FCHSD2: variants seen among roughly 807,000 people sequenced by gnomAD.
FCHSD2 encodes F-BAR and double SH3 domains protein 2.
In FCHSD2, 38 loss-of-function variants were observed where a neutral mutation model predicts 108.1. The ratio of observed to expected loss-of-function variants is 0.35; its 90% CI spans 0.27 to 0.46. The LOEUF (loss-of-function observed/expected upper bound fraction) is 0.46, where lower values mean the gene tolerates loss of function less well. FCHSD2 is among the 20% of genes least tolerant of loss of function. FCHSD2 has a pLI of 1.00. For synonymous variants in FCHSD2, 279 were observed against 314.7 expected, an observed-to-expected ratio of 0.89 and a Z score of 1.20; for missense variants, 751 against 897.8, an observed-to-expected ratio of 0.84 and a Z score of 2.09.
intron 3 of FCHSD2, among the ~76,000 whole-genome samples, chr11:73,044,282 T>A (rs1858705610): frequency 6.6e-6 from 1 of 152,154 alleles, no homozygotes; most frequent in Non-Finnish European, 1.5e-5. Context: ...CTTATGAATA[T>A]TTCCAAAGTC....
At chr11:72,853,019 T>C (rs967891129) in intron 13 of FCHSD2, among the ~76,000 whole-genome samples, 1 of 152,052 alleles carries the variant, frequency 6.6e-6, no homozygotes, top group Non-Finnish European at 1.5e-5. Flanking sequence ...GGGAGAGGAT[T>C]AGAAAAAATA....
intron 8 of FCHSD2, among the ~76,000 whole-genome samples, chr11:72,958,991 A>ATGTG (rs879814044): frequency 1.7e-3 from 69 of 41,754 alleles, no homozygotes; most frequent in Admixed American, 4.1e-3. Flanking sequence ...CATCAGTAAG[A>ATGTG]TATGTGTGTG....
chr11:73,057,287 A>G (rs1445932930), intron 3 of FCHSD2, among the ~76,000 whole-genome samples: 1 of 152,178 alleles, frequency 6.6e-6, no homozygotes, highest in African/African-American at 2.4e-5. Context: ...ACAGGTTCGA[A>G]GCATGGGCAC....
At chr11:73,086,596 A>G (rs1423649412) in intron 2 of FCHSD2, among the ~76,000 whole-genome samples, 1 of 152,204 alleles carries the variant, frequency 6.6e-6, no homozygotes, top group African/African-American at 2.4e-5. Context: ...AATGAAACCA[A>G]AAGTTGGTTC....
intron 2 of FCHSD2, among the ~76,000 whole-genome samples, 173 bp downstream of exon 2, chr11:73,139,858 A>G (rs528878659): frequency 1.3e-5 from 2 of 152,330 alleles, no homozygotes; most frequent in Admixed American, 1.3e-4. Context: ...ACTGAAGGAA[A>G]AAGTTTGTAT....
At chr11:72,938,902 TG>T (rs1316469190) in intron 8 of FCHSD2, among the ~76,000 whole-genome samples, 3 of 152,320 alleles carry the variant, frequency 2.0e-5, no homozygotes, top group Admixed American at 2.0e-4. Flanking sequence ...ACTCTAAAGC[TG>T]ATTTAAGATT....
chr11:72,959,208 AT>A (rs1262232802), intron 8 of FCHSD2, among the ~76,000 whole-genome samples: 1 of 116,796 alleles, frequency 8.6e-6, no homozygotes, highest in Admixed American at 9.2e-5. Context: ...TCCACTTCAT[AT>A]ATCCAGCAGT....
chr11:72,895,401 A>T (rs1206508773), intron 10 of FCHSD2, among the ~76,000 whole-genome samples: 1 of 152,226 alleles, frequency 6.6e-6, no homozygotes, highest in Non-Finnish European at 1.5e-5. Context: ...AATGGCATAA[A>T]AACCTTGCGT....
At chr11:72,985,534 A>C (rs567048318) in intron 6 of FCHSD2, among the ~76,000 whole-genome samples, 2 of 152,348 alleles carry the variant, frequency 1.3e-5, no homozygotes, top group Admixed American at 6.5e-5. Flanking sequence ...AAGCGTCAGC[A>C]AACTTTCAGG....
intron 2 of FCHSD2, among the ~76,000 whole-genome samples, chr11:73,093,925 A>G (rs1860016613): frequency 6.6e-6 from 1 of 151,178 alleles, no homozygotes; most frequent in South Asian, 2.2e-4. Flanking sequence ...AAGAATAAAG[A>G]TAGGACTGGG....
intron 5 of FCHSD2, among the ~76,000 whole-genome samples, chr11:72,992,297 T>C (rs1442058607): frequency 1.3e-5 from 2 of 152,206 alleles, no homozygotes; most frequent in Non-Finnish European, 2.9e-5. Context: ...TCCATGCTCA[T>C]GGGTAGAAAG....
intron 3 of FCHSD2, among the ~76,000 whole-genome samples, chr11:73,075,470 T>G (rs532479174): frequency 1.3e-5 from 2 of 151,676 alleles, no homozygotes; most frequent in East Asian, 3.9e-4. Flanking sequence ...AGAACCTTCA[T>G]GCATTGCAAA....
intron 12 of FCHSD2, among the ~76,000 whole-genome samples, chr11:72,870,881 C>G (rs1854841068): frequency 9.8e-6 from 1 of 102,284 alleles, no homozygotes; most frequent in Admixed American, 1.6e-4. Context: ...GCCTGGGTGA[C>G]AGTGCGAGAC....
intron 3 of FCHSD2, among the ~76,000 whole-genome samples, chr11:73,038,256 C>T (rs1265102426): frequency 2.0e-5 from 3 of 151,212 alleles, no homozygotes; most frequent in Non-Finnish European, 2.9e-5. Context: ...ATGGGAAGAT[C>T]GCTTGAGCCC....
Position 72,880,967 on chromosome 11 carries a change from T to A in FCHSD2, c.1146+6503A>T, listed in dbSNP as rs748539414. Among the ~76,000 whole-genome samples, 39 of 151,730 alleles carry A rather than the reference T, an allele frequency of 2.6e-4. No individual in the cohort carries two copies. The Middle Eastern group carries it at 0.01, about 40-fold the overall frequency. On this transcript the variant is annotated intron_variant, in intron 12 of 19. Coordinates refer to ENST00000409418, the MANE Select transcript of FCHSD2 (RefSeq NM_014824.3). Reference sequence around the variant, plus strand: ...TAGGGGAAATGCTTCTGGACATTGGTCAAGGGAGATTTTTATGGCTGAGGC... The same window carrying A: ...TAGGGGAAATGCTTCTGGACATTGGACAAGGGAGATTTTTATGGCTGAGGC...
chr11:73,066,549 G>A (rs1197376854), intron 3 of FCHSD2, among the ~76,000 whole-genome samples: 1 of 152,000 alleles, frequency 6.6e-6, no homozygotes, highest in Non-Finnish European at 1.5e-5. Flanking sequence ...TCATCAGAGT[G>A]AACAGGCAAC....
Position 72,838,644 on chromosome 11 carries a change from T to A in FCHSD2, c.*147A>T. 24 of 608,828 alleles carry A rather than the reference T, an allele frequency of 3.9e-5. No homozygotes were observed. The highest frequency in any genetic ancestry group is 6.4e-5 in the South Asian group (3 of 47,080). 37.7% of individuals were successfully genotyped at this position (608,828 alleles called of 1,614,324 possible). On this transcript the variant is annotated 3_prime_UTR_variant, in exon 20 of 20. Transcript: ENST00000409418. ...CGAAATATTCAAAACGTGGGAGGAG[T>A]CTACCAGGCCACCCAGTCACACATA...
chr11:73,092,425 C>T (rs954771964), intron 2 of FCHSD2, among the ~76,000 whole-genome samples: 5 of 152,036 alleles, frequency 3.3e-5, no homozygotes, highest in African/African-American at 4.8e-5. Context: ...CAGGCACAAG[C>T]CACCATACCT....
intron 2 of FCHSD2, among the ~76,000 whole-genome samples, chr11:73,098,151 T>A (rs1694571609): frequency 6.6e-6 from 1 of 152,220 alleles, no homozygotes; most frequent in African/African-American, 2.4e-5. Flanking sequence ...AAAGCTAGGT[T>A]GTTAACTTGA....
Sources: gnomAD v4.1 joint callset for allele counts (sites outside exome capture counted in the v4.1 genomes callset) on GRCh38, gnomAD v4.1.1 for gene constraint, MANE v1.5 for transcripts, NCBI Gene and HGNC (gene_info 2026-07-23, HGNC 2026-07-21) for gene names.